PDE2A: variants seen among roughly 807,000 people sequenced by gnomAD.
PDE2A encodes cGMP-dependent 3',5'-cyclic phosphodiesterase.
PDE2A carries 53 observed loss-of-function variants against 133.6 expected under a neutral mutation model. The ratio of observed to expected loss-of-function variants is 0.40; its 90% confidence interval spans 0.32 to 0.50. The LOEUF is 0.50. PDE2A is among the 20% of genes least tolerant of loss of function. The probability of loss-of-function intolerance (pLI) is 0.73; values close to 1 mark genes in which losing one functional copy is unlikely to be tolerated. For missense variants in PDE2A, 796 were observed against 1,232.4 expected, an observed-to-expected ratio of 0.65 and a Z score of 5.30; for synonymous variants, 491 against 490.2, an observed-to-expected ratio of 1.00 and a Z score of -0.02.
At chr11:72,611,284 A>C (rs572186680) in intron 2 of PDE2A, among the ~76,000 whole-genome samples, 1 of 152,298 alleles carries the variant, frequency 6.6e-6, no homozygotes, top group East Asian at 1.9e-4. Context: ...GCAATGATCA[A>C]CCTGTGGTCA....
intron 6 of PDE2A, among the ~76,000 whole-genome samples, chr11:72,593,239 C>A (rs1397064396): frequency 6.6e-6 from 1 of 152,088 alleles, no homozygotes; most frequent in African/African-American, 2.4e-5. Context: ...CACACCCACC[C>A]TTACAGTGTC....
chr11:72,582,856 A>C (rs112838794), intron 20 of PDE2A, among the ~76,000 whole-genome samples: 12 of 152,196 alleles, frequency 7.9e-5, no homozygotes. Flanking sequence ...CATTTCATAC[A>C]CAGTAACTGT....
At chr11:72,605,365 C>T in intron 3 of PDE2A, 139 bp from the exon 4 acceptor site, 1 of 452,674 alleles carries the variant, frequency 2.2e-6, no homozygotes, top group East Asian at 3.4e-5. Flanking sequence ...TTGTTTTTCT[C>T]TCCAGGTGAT....
chr11:72,641,340 G>T (rs1858942508), intron 2 of PDE2A, among the ~76,000 whole-genome samples: 1 of 152,170 alleles, frequency 6.6e-6, no homozygotes, highest in Admixed American at 6.5e-5. Flanking sequence ...TGGGGGGCGG[G>T]GGTGTCCCAG....
At chr11:72,642,231 G>A (rs965650716) in intron 2 of PDE2A, 23 bp downstream of exon 2, 4 of 1,483,360 alleles carry the variant, frequency 2.7e-6, no homozygotes, top group South Asian at 1.4e-5. Flanking sequence ...TTCTCCTGGT[G>A]CCCAGCGCGG....
At chr11:72,642,219 C>G (rs1858983951) in intron 2 of PDE2A, 35 bp downstream of exon 2, 3 of 1,446,388 alleles carry the variant, frequency 2.1e-6, no homozygotes, top group African/African-American at 1.5e-5. Flanking sequence ...CCGGACACCC[C>G]GTTCTCCTGG....
intron 2 of PDE2A, among the ~76,000 whole-genome samples, chr11:72,625,487 G>A (rs1449127253): frequency 1.3e-5 from 2 of 152,186 alleles, no homozygotes; most frequent in African/African-American, 2.4e-5. Context: ...ACAAGGGTTC[G>A]AGGGTTTAAA....
chr11:72,620,972 A>C (rs1857743359), intron 2 of PDE2A, among the ~76,000 whole-genome samples: 1 of 152,204 alleles, frequency 6.6e-6, no homozygotes, highest in Non-Finnish European at 1.5e-5. Context: ...CCTGGGGTGC[A>C]GGTGTTGAGG....
At chr11:72,602,025 C>T (rs1455859602) in intron 4 of PDE2A, among the ~76,000 whole-genome samples, 1 of 152,188 alleles carries the variant, frequency 6.6e-6, no homozygotes, top group Non-Finnish European at 1.5e-5. Context: ...GCCCAGACCC[C>T]TTTTCTGAAA....
intron 1 of PDE2A, among the ~76,000 whole-genome samples, chr11:72,667,047 G>A (rs1244073512): frequency 3.9e-5 from 6 of 152,180 alleles, no homozygotes; most frequent in Non-Finnish European, 7.4e-5. Flanking sequence ...CGGAGGTTGC[G>A]GTGAGCCGAG....
chr11:72,652,823 G>A (rs2135449819), intron 1 of PDE2A: 1 of 420,658 alleles, frequency 2.4e-6, no homozygotes, highest in Non-Finnish European at 4.8e-6. Flanking sequence ...AAAGAGCCCA[G>A]GGCCTCCCCC....
intron 2 of PDE2A, among the ~76,000 whole-genome samples, chr11:72,625,953 G>C (rs913075774): frequency 1.3e-5 from 2 of 152,224 alleles, no homozygotes; most frequent in South Asian, 2.1e-4. Context: ...AGGACGGTGG[G>C]GGGTGGGGCC....
At chr11:72,618,044 T>C (rs1169562623) in intron 2 of PDE2A, among the ~76,000 whole-genome samples, 1 of 152,138 alleles carries the variant, frequency 6.6e-6, no homozygotes, top group African/African-American at 2.4e-5. Flanking sequence ...TAAACATAAA[T>C]GTGACCCTGT....
In PDE2A at chr11:72,590,379, A is replaced by G. The variant is rs1364208932; in HGVS notation, c.703+48T>C. ...GCCTAACCCGCCCACCTCCCCTCCA[A>G]GTTCTGCCCGGCCCCGCCCTCGTGA... is the stretch of plus-strand genomic sequence containing the variant. On this transcript the variant is annotated intron_variant, in intron 8 of 30. Coordinates refer to ENST00000334456, the MANE Select transcript of PDE2A (RefSeq NM_002599.5). The surrounding 1 kb of genome is among the most constrained non-coding windows in gnomAD (Gnocchi z 4.8). 1.9e-6 allele frequency: 3 copies of G among 1,565,758 alleles called. No homozygotes were observed. The highest frequency in any genetic ancestry group is 2.6e-6 in the Non-Finnish European group (3 of 1,155,692).
intron 30 of PDE2A, 70 bp from the exon 31 acceptor site, chr11:72,577,664 C>A (rs947357259): frequency 1.6e-5 from 18 of 1,120,564 alleles, no homozygotes; most frequent in Non-Finnish European, 2.3e-5. Flanking sequence ...AAGACTAGGG[C>A]TACACAACAA....
intron 2 of PDE2A, among the ~76,000 whole-genome samples, chr11:72,618,688 G>A (rs934445639): frequency 6.6e-6 from 1 of 152,210 alleles, no homozygotes. Context: ...AGCCCATCCA[G>A]TCTCATCTCC....
intron 13 of PDE2A, 24 bp downstream of exon 13, chr11:72,588,760 C>T: frequency 6.3e-7 from 1 of 1,575,178 alleles, no homozygotes; most frequent in Non-Finnish European, 8.7e-7. Context: ...ATCTCCTGAT[C>T]TGCATCATCC....
At chr11:72,633,931 G>A in intron 2 of PDE2A, among the ~76,000 whole-genome samples, 1 of 152,190 alleles carries the variant, frequency 6.6e-6, no homozygotes, top group East Asian at 1.9e-4. Flanking sequence ...CAGCGCTGAA[G>A]GGAGCACAGC....
At chr11:72,642,465 G>T in intron 1 of PDE2A, 139 bp from the exon 2 acceptor site, 1 of 930,360 alleles carries the variant, frequency 1.1e-6, no homozygotes, top group Non-Finnish European at 1.3e-6. Flanking sequence ...CCGAGTGTCC[G>T]CCCCGGCCCC....
Sources: gnomAD v4.1 joint callset for allele counts (sites outside exome capture counted in the v4.1 genomes callset) on GRCh38, gnomAD v4.1.1 for gene constraint, Gnocchi (gnomAD v3.1) non-coding constraint, MANE v1.5 for transcripts, NCBI Gene and HGNC (gene_info 2026-07-23, HGNC 2026-07-21) for gene names.